HDAC9: variants seen among roughly 807,000 people sequenced by gnomAD.
The protein encoded by HDAC9 is histone deacetylase 9, also known as MEF-2 interacting transcription repressor (MITR) protein.
HDAC9 carries 41 observed loss-of-function variants against 139.4 expected under a neutral mutation model. The ratio of observed to expected loss-of-function variants is 0.29; its 90% CI spans 0.23 to 0.38. The LOEUF (loss-of-function observed/expected upper bound fraction) is 0.38. Among genes scored for constraint, HDAC9 ranks in the 10% least tolerant of loss-of-function variants. HDAC9 has a pLI of 1.00. For synonymous variants in HDAC9, 517 were observed against 476.2 expected, an observed-to-expected ratio of 1.09 and a Z score of -1.12; for missense variants, 1,147 against 1,297.0, an observed-to-expected ratio of 0.88 and a Z score of 1.78.
intron 1 of HDAC9, among the ~76,000 whole-genome samples, chr7:18,087,366 C>T (rs2128054000): frequency 6.6e-6 from 1 of 152,278 alleles, no homozygotes; most frequent in East Asian, 1.9e-4. Context: ...ACTTGCCTTG[C>T]ATCTCGCAGC....
chr7:18,344,932 C>T (rs1159261700), intron 1 of HDAC9, among the ~76,000 whole-genome samples: 1 of 151,984 alleles, frequency 6.6e-6, no homozygotes, highest in East Asian at 1.9e-4. Flanking sequence ...AACAAATCTT[C>T]TATTAAAAAG....
intron 1 of HDAC9, among the ~76,000 whole-genome samples, chr7:18,432,061 C>CAGCT (rs2128763778): frequency 6.6e-6 from 1 of 152,286 alleles, no homozygotes; most frequent in Admixed American, 6.5e-5. Context: ...TGCCTTAGCC[C>CAGCT]AGCTGTTTAG....
intron 1 of HDAC9, among the ~76,000 whole-genome samples, chr7:18,307,093 G>C (rs1798961378): frequency 7.5e-6 from 1 of 132,750 alleles, no homozygotes; most frequent in Admixed American, 8.1e-5. Context: ...CAGGAGGGCA[G>C]TTCTTGTGTG....
intron 6 of HDAC9, among the ~76,000 whole-genome samples, chr7:18,599,974 G>T (rs369427102): frequency 6.7e-6 from 1 of 148,900 alleles, no homozygotes; most frequent in African/African-American, 2.5e-5. Flanking sequence ...TGTATTTTAA[G>T]TTTTTTTTTT....
chr7:18,927,952 G>A (rs1482684653), intron 22 of HDAC9, among the ~76,000 whole-genome samples: 1 of 152,108 alleles, frequency 6.6e-6, no homozygotes, highest in African/African-American at 2.4e-5. Flanking sequence ...GTCATGAATG[G>A]GAGACTGGCA....
intron 23 of HDAC9, among the ~76,000 whole-genome samples, chr7:18,946,843 CTAACA>C (rs1782440314): frequency 6.6e-6 from 1 of 152,000 alleles, no homozygotes; most frequent in African/African-American, 2.4e-5. Context: ...TATATATCCC[CTAACA>C]TGACAGAATA....
chr7:18,374,242 G>C (rs1046622728), intron 1 of HDAC9, among the ~76,000 whole-genome samples: 5 of 150,742 alleles, frequency 3.3e-5, no homozygotes, highest in Admixed American at 6.6e-5. Context: ...TATAGGTACA[G>C]TTTAGAAGTT....
chr7:18,400,022 G>A (rs1207094293), intron 1 of HDAC9, among the ~76,000 whole-genome samples: 1 of 152,162 alleles, frequency 6.6e-6, no homozygotes, highest in African/African-American at 2.4e-5. Flanking sequence ...TCGCATCAGA[G>A]CCCAAAGGAA....
intron 2 of HDAC9, among the ~76,000 whole-genome samples, chr7:18,174,590 A>G (rs922954393): frequency 1.3e-5 from 2 of 150,434 alleles, no homozygotes; most frequent in African/African-American, 5.0e-5. Flanking sequence ...TTGTGGTTTT[A>G]TCTACCTTTG....
chr7:18,519,987 C>T lies in HDAC9; in HGVS notation c.22+23663C>T, dbSNP rs572547017. Among the ~76,000 whole-genome samples the T allele has an allele frequency of 5.9e-5, 9 of 152,022 alleles. No individual in the cohort carries two copies. In the East Asian group the frequency reaches 1.7e-3, roughly 29 times the overall value. ...GTAGAATGGTATACAGTACATATAG[C>T]ATAGTAAGCTCAACTAATGGATTCA... On this transcript the variant is annotated intron_variant, in intron 2 of 25. Transcript: ENST00000686413.
intron 17 of HDAC9, among the ~76,000 whole-genome samples, chr7:18,801,453 A>T (rs1437018547): frequency 2.6e-5 from 4 of 152,024 alleles, no homozygotes; most frequent in African/African-American, 9.7e-5. Flanking sequence ...CTTGGTTATG[A>T]TTTATTATCA....
intron 12 of HDAC9, among the ~76,000 whole-genome samples, chr7:18,712,188 A>G (rs10235392): frequency 0.014 from 2,183 of 152,218 alleles, 45 homozygotes; most frequent in African/African-American, 0.05. Flanking sequence ...TCATTCTTTA[A>G]TATACATCAG....
intron 2 of HDAC9, among the ~76,000 whole-genome samples, chr7:18,190,321 G>A (rs558231033): frequency 6.6e-6 from 1 of 152,224 alleles, no homozygotes; most frequent in South Asian, 2.1e-4. Context: ...ATATATAAAT[G>A]TATATAAATA....
chr7:18,261,934 G>A (rs572846003), intron 2 of HDAC9, among the ~76,000 whole-genome samples: 1 of 152,226 alleles, frequency 6.6e-6, no homozygotes, highest in Non-Finnish European at 1.5e-5. Flanking sequence ...GCTTATTAGT[G>A]CAATCTGGCA....
rs200036138 is a variant in HDAC9, at chr7:18,435,919, A to AAG, written c.-41-60333_-41-60332dup. 4.0e-5 allele frequency among the ~76,000 whole-genome samples: 6 copies of AAG among 148,382 alleles called. No homozygotes were observed. The East Asian group carries it at 1.2e-3, about 29-fold the overall frequency. On this transcript the variant is annotated intron_variant, in intron 1 of 3. Transcript: ENST00000413509. The stretch of plus-strand genomic sequence containing the variant: ...TATATAATAAAATATATAATATATA[A>AAG]AGAGAGAGAGAAAGAACTGGAAAAT...
chr7:18,232,200 G>C (rs1793507730), intron 2 of HDAC9, among the ~76,000 whole-genome samples: 1 of 152,114 alleles, frequency 6.6e-6, no homozygotes, highest in African/African-American at 2.4e-5. Context: ...CATCGGGCTT[G>C]GCTGCCTTCC....
At chr7:18,743,608 A>C (rs1314397149) in intron 13 of HDAC9, among the ~76,000 whole-genome samples, 1 of 149,214 alleles carries the variant, frequency 6.7e-6, no homozygotes, top group Non-Finnish European at 1.5e-5. Flanking sequence ...CTGCGTCTCA[A>C]AAAAAAAAAA....
chr7:18,263,362 C>G (rs142920233), intron 2 of HDAC9, among the ~76,000 whole-genome samples: 3,649 of 152,228 alleles, frequency 0.024, 69 homozygotes, highest in Middle Eastern at 0.037. Context: ...CATTAACACT[C>G]TGGTCCACAG....
intron 23 of HDAC9, among the ~76,000 whole-genome samples, chr7:18,939,180 A>C (rs1431985812): frequency 6.6e-6 from 1 of 152,196 alleles, no homozygotes; most frequent in Admixed American, 6.5e-5. Context: ...AATTTTTTCA[A>C]TATAAACTAA....
Sources: allele counts gnomAD v4.1 joint callset (sites outside exome capture counted in the v4.1 genomes callset), GRCh38; gene constraint gnomAD v4.1.1; transcripts MANE v1.5; gene names NCBI Gene and HGNC (gene_info 2026-07-23, HGNC 2026-07-21).